CNTN5: variants seen among roughly 807,000 people sequenced by gnomAD.
CNTN5 encodes the protein contactin-5.
CNTN5 carries 77 observed loss-of-function variants against 129.1 expected under a neutral mutation model. The ratio of observed to expected loss-of-function variants is 0.60; its 90% CI spans 0.50 to 0.72. CNTN5 has a LOEUF of 0.72. Among genes scored for constraint, CNTN5 ranks in the 30% least tolerant of loss-of-function variants. The probability of loss-of-function intolerance (pLI) is 0.00; values close to 1 mark genes in which losing one functional copy is unlikely to be tolerated. For missense variants in CNTN5, 1,478 were observed against 1,328.8 expected, an observed-to-expected ratio of 1.11 and a Z score of -1.75; for synonymous variants, 509 against 465.6, an observed-to-expected ratio of 1.09 and a Z score of -1.20.
rs539367298 is a variant in CNTN5 at position 99,337,113 on chromosome 11, G to A, written c.-71+11629G>A. ...TATCTTGTCAGAGAAGGGACAGTCC[G>A]TTCAATTTTTTCCTAATATTAAGGT... On this transcript the variant is annotated intron_variant, in intron 2 of 24. Coordinates refer to ENST00000524871, the MANE Select transcript of CNTN5 (RefSeq NM_014361.4). Among the ~76,000 whole-genome samples the A allele has an allele frequency of 4.6e-5, 7 of 152,196 alleles. No individual in the cohort carries two copies. In the South Asian group the frequency reaches 8.3e-4, roughly 18 times the overall value.
chr11:100,288,960 A>G (rs1488740606), intron 18 of CNTN5, among the ~76,000 whole-genome samples: 27 of 152,152 alleles, frequency 1.8e-4, no homozygotes, highest in Admixed American at 3.3e-4. Context: ...ACAAACTACC[A>G]TCAGAGAATA....
chr11:99,967,489 G>A (rs538203769), intron 8 of CNTN5, among the ~76,000 whole-genome samples: 23 of 152,248 alleles, frequency 1.5e-4, no homozygotes, highest in African/African-American at 5.5e-4. Flanking sequence ...GATTCTGTCT[G>A]TAACCGCGCA....
At chr11:99,845,610 G>C (rs1042709144) in intron 6 of CNTN5, among the ~76,000 whole-genome samples, 2 of 151,888 alleles carry the variant, frequency 1.3e-5, no homozygotes, top group African/African-American at 4.8e-5. Flanking sequence ...CTGACCTCGT[G>C]ATCCGCCCGC....
intron 13 of CNTN5, among the ~76,000 whole-genome samples, chr11:100,114,879 G>A (rs1307526167): frequency 6.6e-6 from 1 of 151,858 alleles, no homozygotes; most frequent in Non-Finnish European, 1.5e-5. Context: ...ATGTTTTTGT[G>A]AAGTCGATAT....
intron 6 of CNTN5, among the ~76,000 whole-genome samples, chr11:99,853,735 G>T (rs2135734787): frequency 6.6e-6 from 1 of 152,074 alleles, no homozygotes; most frequent in African/African-American, 2.4e-5. Flanking sequence ...CATTTAAATT[G>T]TAGGCCAACT....
chr11:100,148,907 A>ATGTT (rs1591316487), intron 13 of CNTN5, among the ~76,000 whole-genome samples: 1 of 152,192 alleles, frequency 6.6e-6, no homozygotes, highest in African/African-American at 2.4e-5. Context: ...AAAAAAAAGA[A>ATGTT]TGTTTAATGA....
chr11:99,766,229 A>T (rs549290511), intron 3 of CNTN5, among the ~76,000 whole-genome samples: 1 of 152,080 alleles, frequency 6.6e-6, no homozygotes, highest in African/African-American at 2.4e-5. Flanking sequence ...AGTTGCCTTG[A>T]TTGGAATGCA....
intron 1 of CNTN5, among the ~76,000 whole-genome samples, chr11:99,125,999 G>A (rs947840870): frequency 6.6e-6 from 1 of 152,038 alleles, no homozygotes; most frequent in South Asian, 2.1e-4. Flanking sequence ...TTCTTATACA[G>A]GTTAGAAGAT....
chr11:100,011,889 T>C (rs563401633), intron 9 of CNTN5, among the ~76,000 whole-genome samples: 2 of 152,286 alleles, frequency 1.3e-5, no homozygotes, highest in South Asian at 4.1e-4. Flanking sequence ...TGACAAATAT[T>C]CCTCTGAGAC....
At chr11:99,048,822 C>A (rs935367272) in intron 1 of CNTN5, among the ~76,000 whole-genome samples, 1 of 152,132 alleles carries the variant, frequency 6.6e-6, no homozygotes, top group African/African-American at 2.4e-5. Flanking sequence ...AAGCCCACAT[C>A]TTAGGTAAAA....
intron 2 of CNTN5, among the ~76,000 whole-genome samples, chr11:99,523,663 TCAGAACAGAACAGAACAGAA>T (rs143876090): frequency 1.5e-5 from 2 of 132,670 alleles, no homozygotes; most frequent in Non-Finnish European, 3.3e-5. Context: ...ACAGAACAGA[TCAGAACAGAACAGAACAGAA>T]CAGAACAGAA....
intron 6 of CNTN5, 104 bp downstream of exon 6, chr11:99,845,366 CTT>C (rs869305728): frequency 3.9e-3 from 340 of 86,098 alleles, no homozygotes; most frequent in South Asian, 0.022. Context: ...GATCTCAAAT[CTT>C]TTTTTTTTTT....
intron 4 of CNTN5, among the ~76,000 whole-genome samples, chr11:99,840,463 A>G (rs888025581): frequency 6.6e-6 from 1 of 152,092 alleles, no homozygotes; most frequent in Non-Finnish European, 1.5e-5. Flanking sequence ...GAAGTCCATC[A>G]TTCTTCGTAG....
At chr11:99,079,327 T>A (rs1865702259) in intron 1 of CNTN5, among the ~76,000 whole-genome samples, 1 of 152,166 alleles carries the variant, frequency 6.6e-6, no homozygotes, top group Admixed American at 6.5e-5. Flanking sequence ...TTTCCAACTC[T>A]ATCTAGATAA....
intron 4 of CNTN5, among the ~76,000 whole-genome samples, chr11:99,840,848 TAAGTATATGG>T (rs995484838): frequency 1.5e-4 from 23 of 152,170 alleles, no homozygotes; most frequent in Non-Finnish European, 2.1e-4. Context: ...GTGCAGAATG[TAAGTATATGG>T]ATTTAAACAG....
chr11:99,066,224 C>T (rs148107033), intron 1 of CNTN5, among the ~76,000 whole-genome samples: 2,712 of 152,204 alleles, frequency 0.018, 38 homozygotes, highest in South Asian at 0.028. Flanking sequence ...CTGCCTCAGC[C>T]TCCTGAGTAG....
At chr11:100,047,619 C>T (rs931629593) in intron 9 of CNTN5, among the ~76,000 whole-genome samples, 21 of 152,168 alleles carry the variant, frequency 1.4e-4, no homozygotes, top group Non-Finnish European at 1.6e-4. Context: ...TGTGGCAGCT[C>T]TTAATATGTT....
chr11:99,842,442 A>G (rs948867233), intron 4 of CNTN5, among the ~76,000 whole-genome samples: 4 of 152,216 alleles, frequency 2.6e-5, no homozygotes, highest in Admixed American at 6.5e-5. Context: ...TCCTACTAAT[A>G]CTGTAAAGTA....
chr11:99,836,598 A>T (rs1314129176), intron 4 of CNTN5, among the ~76,000 whole-genome samples: 1 of 152,080 alleles, frequency 6.6e-6, no homozygotes, highest in East Asian at 1.9e-4. Context: ...TGCCACAGTA[A>T]ACATACGTGT....
Sources: allele counts gnomAD v4.1 joint callset (sites outside exome capture counted in the v4.1 genomes callset), GRCh38; gene constraint gnomAD v4.1.1; transcripts MANE v1.5; gene names NCBI Gene and HGNC (gene_info 2026-07-23, HGNC 2026-07-21).